GSE1: variants seen among roughly 807,000 people sequenced by gnomAD.
GSE1 encodes genetic suppressor element 1.
Under a neutral mutation model 112.6 loss-of-function variants are expected in GSE1, and 32 were observed. The ratio of observed to expected loss-of-function variants is 0.28; its 90% CI spans 0.21 to 0.38. GSE1 has a LOEUF of 0.38. Among genes scored for constraint, GSE1 ranks in the 10% least tolerant of loss-of-function variants. GSE1 has a pLI of 1.00. For missense variants in GSE1, 2,348 were observed against 1,699.2 expected, an observed-to-expected ratio of 1.38 and a Z score of -6.71; for synonymous variants, 1,115 against 735.6, an observed-to-expected ratio of 1.52 and a Z score of -8.35.
intron 1 of GSE1, among the ~76,000 whole-genome samples, chr16:85,632,363 CT>C (rs948990187): frequency 1.3e-5 from 2 of 152,086 alleles, no homozygotes; most frequent in Non-Finnish European, 2.9e-5. Context: ...TTGCAGCCCC[CT>C]CTCTCAGGCA....
intron 1 of GSE1, among the ~76,000 whole-genome samples, chr16:85,274,772 C>T (rs1909189807): frequency 6.6e-6 from 1 of 152,244 alleles, no homozygotes; most frequent in Admixed American, 6.5e-5. Context: ...GCACGTCCAG[C>T]CACTGGCACC....
At chr16:85,615,223 C>G (rs574264604) in intron 1 of GSE1, among the ~76,000 whole-genome samples, 1 of 152,214 alleles carries the variant, frequency 6.6e-6, no homozygotes, top group Non-Finnish European at 1.5e-5. Context: ...AGGTGAGGGG[C>G]CCAGGGCGCA....
chr16:85,398,406 C>T (rs1047776414), intron 2 of GSE1, among the ~76,000 whole-genome samples: 5 of 152,086 alleles, frequency 3.3e-5, no homozygotes, highest in African/African-American at 1.2e-4. Context: ...GTGCCAGCTC[C>T]CAGTCAGCAG....
chr16:85,659,849 A>C (rs1027563040), intron 8 of GSE1, among the ~76,000 whole-genome samples: 1 of 152,222 alleles, frequency 6.6e-6, no homozygotes, highest in African/African-American at 2.4e-5. Flanking sequence ...AGCAGGCCTT[A>C]GCCTGGGTCC....
chr16:85,492,463 G>C (rs1212107589), intron 2 of GSE1, among the ~76,000 whole-genome samples: 1 of 152,156 alleles, frequency 6.6e-6, no homozygotes, highest in African/African-American at 2.4e-5. Flanking sequence ...TGCTTACCTG[G>C]TGCTTACGAA....
Position 85,329,003 on chromosome 16 carries a change from G to A in GSE1, c.2284-28460G>A, listed in dbSNP as rs146426844. Among the ~76,000 whole-genome samples the A allele has an allele frequency of 3.0e-3, 464 of 152,342 alleles. 4 individuals are homozygous for A. Among genetic ancestry groups the A allele is most frequent in the African/African-American group, 0.011 (447 of 41,592 alleles). ...CCCTTCATCAGGGCCCAAGAGGGGC[G>A]TTCGGTGGGGGATTGAGGGGTGAGG... On this transcript the variant is annotated intron_variant, in intron 1 of 2. Transcript: ENST00000637419.
chr16:85,449,573 G>A (rs1287544779), intron 2 of GSE1, among the ~76,000 whole-genome samples: 2 of 152,252 alleles, frequency 1.3e-5, no homozygotes, highest in African/African-American at 2.4e-5. Context: ...AATCGGAGTG[G>A]GCGGCAGCTC....
chr16:85,474,473 G>T (rs994358762), intron 2 of GSE1, among the ~76,000 whole-genome samples: 6 of 152,118 alleles, frequency 3.9e-5, no homozygotes, highest in Non-Finnish European at 5.9e-5. Context: ...TGCCAGCCCC[G>T]GCGGGGAGTC....
chr16:85,252,271 C>G (rs7191494), intron 1 of GSE1, among the ~76,000 whole-genome samples: 3 of 128,360 alleles, frequency 2.3e-5, no homozygotes, highest in Non-Finnish European at 4.5e-5. Flanking sequence ...TGCGATCACC[C>G]GGCCTGGCTC....
intron 2 of GSE1, among the ~76,000 whole-genome samples, chr16:85,385,578 C>T (rs1164393451): frequency 6.6e-6 from 1 of 152,158 alleles, no homozygotes; most frequent in African/African-American, 2.4e-5. Context: ...GAGGGGTGTC[C>T]GCAGCCTCTG....
At chr16:85,359,845 C>G (rs1225697212) in intron 2 of GSE1, among the ~76,000 whole-genome samples, 2 of 152,100 alleles carry the variant, frequency 1.3e-5, no homozygotes, top group Non-Finnish European at 2.9e-5. Context: ...GCCTGGGCAA[C>G]CCCCAGGCGA....
At chr16:85,296,936 C>T (rs1484094306) in intron 1 of GSE1, among the ~76,000 whole-genome samples, 1 of 152,204 alleles carries the variant, frequency 6.6e-6, no homozygotes, top group African/African-American at 2.4e-5. Context: ...CCAGGCTGCT[C>T]CCCCGGCGCT....
chr16:85,309,730 C>T lies in GSE1; in HGVS notation c.2284-47733C>T, dbSNP rs1354189445. 2.0e-5 allele frequency among the ~76,000 whole-genome samples: 3 copies of T among 152,234 alleles called. No homozygotes were observed. In the South Asian group the frequency reaches 6.2e-4, roughly 31 times the overall value. On this transcript the variant is annotated intron_variant, in intron 1 of 2. Transcript: ENST00000637419. ...CTGCTGTCTGAGCTGGCATTCAGTG[C>T]TGTCGCGGTGCTGCAGAGCCGAGCG...
chr16:85,491,058 G>T (rs2050995658), intron 2 of GSE1, among the ~76,000 whole-genome samples: 1 of 152,216 alleles, frequency 6.6e-6, no homozygotes, highest in South Asian at 2.1e-4. Flanking sequence ...CCTCCTTGAG[G>T]TAGGTCCTGC....
At chr16:85,363,096 C>G (rs1292220410) in intron 2 of GSE1, among the ~76,000 whole-genome samples, 1 of 152,250 alleles carries the variant, frequency 6.6e-6, no homozygotes. Context: ...CTTGGCCTCC[C>G]AAAGTGTTGG....
intron 2 of GSE1, among the ~76,000 whole-genome samples, chr16:85,514,039 C>A (rs897521498): frequency 6.6e-6 from 1 of 152,132 alleles, no homozygotes; most frequent in Admixed American, 6.5e-5. Context: ...AGACCCCAGG[C>A]TCCCCGGGTG....
chr16:85,557,092 G>A (rs1334102145), intron 1 of GSE1, among the ~76,000 whole-genome samples: 1 of 152,060 alleles, frequency 6.6e-6, no homozygotes, highest in Admixed American at 6.5e-5. Flanking sequence ...CACCTTATTT[G>A]GATTTCTAAA....
At chr16:85,629,218 T>C (rs1402974181) in intron 1 of GSE1, among the ~76,000 whole-genome samples, 3 of 152,242 alleles carry the variant, frequency 2.0e-5, no homozygotes, top group African/African-American at 7.2e-5. Context: ...CTTTTCTTTA[T>C]GAATTACACA....
chr16:85,420,257 G>C (rs556118194), intron 2 of GSE1, among the ~76,000 whole-genome samples: 1 of 152,208 alleles, frequency 6.6e-6, no homozygotes, highest in Admixed American at 6.5e-5. Flanking sequence ...ACAGGGTTTT[G>C]CCCTGTCGCC....
Sources: allele counts gnomAD v4.1 joint callset (sites outside exome capture counted in the v4.1 genomes callset), GRCh38; gene constraint gnomAD v4.1.1; transcripts MANE v1.5; gene names NCBI Gene and HGNC (gene_info 2026-07-23, HGNC 2026-07-21).